The following PAPPA variants were observed in gnomAD, a reference collection of about 807,000 sequenced individuals.
PAPPA encodes pappalysin-1.
PAPPA carries 60 observed loss-of-function variants against 164.0 expected under a neutral mutation model. The ratio of observed to expected loss-of-function variants is 0.37; its 90% CI spans 0.30 to 0.45. The LOEUF (loss-of-function observed/expected upper bound fraction) is 0.45. Ranked by LOEUF, PAPPA falls within the 20% of genes least tolerant of loss-of-function variation. The probability of loss-of-function intolerance (pLI) is 1.00; values close to 1 mark genes in which losing one functional copy is unlikely to be tolerated. For synonymous variants in PAPPA, 875 were observed against 814.1 expected (o/e 1.07, Z -1.27); for missense variants, 1,782 against 2,087.3 (o/e 0.85, Z 2.85).
In PAPPA at chr9:116,302,804, G is replaced by GAGTTTGAA; in HGVS notation, c.3002_3009dup (p.Gln1004SerfsTer55). ...CCATGATGGTGATGGGGTATGTGAG[G>GAGTTTGAA]AGTTTGAACAAAAAACCAGCATTAA... On this transcript the variant is annotated frameshift_variant, in exon 10 of 22. Coordinates refer to ENST00000328252, the MANE Select transcript of PAPPA (RefSeq NM_002581.5). LOFTEE classifies it high-confidence loss of function. The GAGTTTGAA allele has an allele frequency of 1.2e-6, 2 of 1,613,938 alleles. No individual in the cohort carries two copies. The highest frequency in any genetic ancestry group is 1.7e-6 in the Non-Finnish European group (2 of 1,179,946).
Position 116,235,425 on chromosome 9 carries a change from C to T in PAPPA, c.2520C>T (p.Thr840=). ...ATGTCTTCTGTGATGTCCCACTGAC[C>T]ATCAGACTCTGGGACGTGGGCGAGG... ...PQNVFCDVPL[T]IRLWDVGEEV... Residue 840 remains threonine (T), a synonymous_variant, in exon 7 of 22, where the codon ACC becomes ACT. Transcript: ENST00000328252. 1 of 1,613,692 alleles carries T rather than the reference C, an allele frequency of 6.2e-7. No individual in the cohort carries two copies. Among genetic ancestry groups the T allele is most frequent in the Non-Finnish European group, 8.5e-7 (1 of 1,179,874 alleles).
intron 9 of PAPPA, among the ~76,000 whole-genome samples, chr9:116,288,283 C>T (rs1259477091): frequency 6.6e-6 from 1 of 152,138 alleles, no homozygotes; most frequent in African/African-American, 2.4e-5. Flanking sequence ...GCAAGAGAAT[C>T]GCTTGAACCC....
At chr9:116,281,183 T>C (rs1384885843) in intron 9 of PAPPA, among the ~76,000 whole-genome samples, 4 of 152,216 alleles carry the variant, frequency 2.6e-5, no homozygotes, top group African/African-American at 9.7e-5. Flanking sequence ...TATAAGGGTC[T>C]TGAATATCTT....
rs759094445 is a variant in PAPPA at position 116,235,274 on chromosome 9, C to G, written c.2369C>G (p.Pro790Arg). Reference sequence around the variant, plus strand: ...TACCTCGAGCTGGAGTTCCTCTACCCCTTGGTCCCTGAGTCTCTGACCATT... The same window carrying G: ...TACCTCGAGCTGGAGTTCCTCTACCGCTTGGTCCCTGAGTCTCTGACCATT... ...GCYLELEFLY[P>R]LVPESLTIWV... The change falls in exon 7 of 22, where the codon CCC (proline) becomes CGC (arginine). Residue 790 changes from proline (P) to arginine (R), a missense_variant. Transcript: ENST00000328252. 2 of 1,614,152 alleles carry G rather than the reference C, an allele frequency of 1.2e-6. No homozygotes were observed. Among genetic ancestry groups the G allele is most frequent in the South Asian group, 2.2e-5 (2 of 91,072 alleles).
At chr9:116,356,369 C>A (rs1386295945) in intron 17 of PAPPA, among the ~76,000 whole-genome samples, 1 of 152,200 alleles carries the variant, frequency 6.6e-6, no homozygotes, top group Non-Finnish European at 1.5e-5. Context: ...TACCCACTGG[C>A]CTTGTGCAGT....
chr9:116,325,683 G>A (rs1845912012), intron 10 of PAPPA, among the ~76,000 whole-genome samples: 1 of 152,066 alleles, frequency 6.6e-6, no homozygotes, highest in Admixed American at 6.5e-5. Context: ...CACAGGGCTG[G>A]GTATCTTGGA....
At chr9:116,304,115 G>A (rs1354489279) in intron 10 of PAPPA, among the ~76,000 whole-genome samples, 2 of 152,168 alleles carry the variant, frequency 1.3e-5, no homozygotes, top group East Asian at 1.9e-4. Flanking sequence ...CCTGTGCCAC[G>A]TCTGTACTTG....
At chr9:116,164,962 A>G (rs1465069763) in intron 1 of PAPPA, among the ~76,000 whole-genome samples, 4 of 152,218 alleles carry the variant, frequency 2.6e-5, no homozygotes, top group Non-Finnish European at 5.9e-5. Context: ...TATTTCATAG[A>G]TGAGGGACTG....
intron 9 of PAPPA, among the ~76,000 whole-genome samples, chr9:116,274,557 AAC>A (rs1351668360): frequency 6.6e-6 from 1 of 152,236 alleles, no homozygotes; most frequent in Non-Finnish European, 1.5e-5. Flanking sequence ...TGGTCAAGAT[AAC>A]AGTCAGGAGA....
chr9:116,314,936 C>G (rs1465256486), intron 10 of PAPPA, among the ~76,000 whole-genome samples: 1 of 152,192 alleles, frequency 6.6e-6, no homozygotes, highest in Non-Finnish European at 1.5e-5. Flanking sequence ...GCTTTTCATA[C>G]CAAATGACCG....
intron 7 of PAPPA, among the ~76,000 whole-genome samples, chr9:116,261,693 A>G (rs1845003283): frequency 6.6e-6 from 1 of 152,146 alleles, no homozygotes; most frequent in Non-Finnish European, 1.5e-5. Context: ...ACAACCTGTA[A>G]TTAAATTTTA....
At chr9:116,341,524 T>C (rs1461029501) in intron 13 of PAPPA, among the ~76,000 whole-genome samples, 2 of 152,240 alleles carry the variant, frequency 1.3e-5, no homozygotes. Context: ...GATCCTTCTA[T>C]ACAAAGTGCC....
chr9:116,263,843 G>A (rs902615836), intron 7 of PAPPA, among the ~76,000 whole-genome samples: 1 of 152,090 alleles, frequency 6.6e-6, no homozygotes, highest in African/African-American at 2.4e-5. Flanking sequence ...ACAAATATTA[G>A]CCAACCACCT....
intron 19 of PAPPA, among the ~76,000 whole-genome samples, chr9:116,374,956 A>C (rs1454003010): frequency 3.3e-5 from 5 of 152,250 alleles, no homozygotes; most frequent in Non-Finnish European, 5.9e-5. Flanking sequence ...TTTGTATCAC[A>C]TTCCTTCATG....
At chr9:116,212,308 T>C (rs895949846) in intron 4 of PAPPA, among the ~76,000 whole-genome samples, 2 of 152,056 alleles carry the variant, frequency 1.3e-5, no homozygotes, top group Admixed American at 6.5e-5. Context: ...TGACATGAGA[T>C]TGAGTATGAT....
chr9:116,270,903 G>A (rs953900233), intron 8 of PAPPA, among the ~76,000 whole-genome samples: 1 of 152,106 alleles, frequency 6.6e-6, no homozygotes, highest in Non-Finnish European at 1.5e-5. Flanking sequence ...ATCAAGGCAG[G>A]GAGTGGTGAA....
intron 9 of PAPPA, among the ~76,000 whole-genome samples, chr9:116,302,002 CTG>C (rs1587994262): frequency 6.6e-6 from 1 of 152,188 alleles, no homozygotes; most frequent in African/African-American, 2.4e-5. Context: ...CAGTTTGCCT[CTG>C]TGAAATTCTT....
chr9:116,392,646 G>T (rs1184210245), intron 21 of PAPPA, among the ~76,000 whole-genome samples: 1 of 152,172 alleles, frequency 6.6e-6, no homozygotes, highest in Non-Finnish European at 1.5e-5. Flanking sequence ...TGTGATAAGT[G>T]AGGAAGCTTG....
chr9:116,210,096 A>G (rs1844288379), intron 3 of PAPPA, among the ~76,000 whole-genome samples: 1 of 152,146 alleles, frequency 6.6e-6, no homozygotes, highest in African/African-American at 2.4e-5. Context: ...TCATGTTATG[A>G]TTGACAGAAA....
Sources: allele counts gnomAD v4.1 joint callset (sites outside exome capture counted in the v4.1 genomes callset), GRCh38; gene constraint gnomAD v4.1.1; transcripts MANE v1.5; gene names NCBI Gene and HGNC (gene_info 2026-07-23, HGNC 2026-07-21).